CRB1: variants seen among roughly 807,000 people sequenced by gnomAD.
CRB1 encodes the protein protein crumbs homolog 1.
CRB1 carries 83 observed loss-of-function variants against 120.0 expected under a neutral mutation model. The observed-to-expected ratio is 0.69, with a 90% CI of 0.58 to 0.83. CRB1 has a LOEUF of 0.83. Among genes scored for constraint, CRB1 ranks in the 40% least tolerant of loss-of-function variants. The probability of loss-of-function intolerance (pLI) is 0.00; values close to 1 mark genes in which losing one functional copy is unlikely to be tolerated. For synonymous variants in CRB1, 625 were observed against 612.5 expected, an observed-to-expected ratio of 1.02 and a Z score of -0.30; for missense variants, 1,699 against 1,687.6, an observed-to-expected ratio of 1.01 and a Z score of -0.12.
At chr1:197,347,306 A>G in intron 3 of CRB1, 34 bp from the exon 4 acceptor site, 2 of 1,597,316 alleles carry the variant, frequency 1.3e-6, no homozygotes, top group Non-Finnish European at 1.7e-6. Context: ...CAATATGACT[A>G]AGAGTTGACA....
chr1:197,368,441 T>G (rs545645249), intron 5 of CRB1, among the ~76,000 whole-genome samples: 2 of 152,356 alleles, frequency 1.3e-5, no homozygotes, highest in South Asian at 4.1e-4. Flanking sequence ...TATTTACGCT[T>G]GTACTCCTTT....
chr1:197,438,767 C>T (rs556364840), intron 10 of CRB1, 92 bp downstream of exon 10: 27 of 1,491,350 alleles, frequency 1.8e-5, no homozygotes, highest in Non-Finnish European at 2.3e-5. Context: ...TTTTTTATCT[C>T]AGTTCCCATA....
chr1:197,430,749 A>G (rs1464071177), intron 8 of CRB1, among the ~76,000 whole-genome samples: 1 of 152,126 alleles, frequency 6.6e-6, no homozygotes, highest in Non-Finnish European at 1.5e-5. Context: ...CATCTCTTTC[A>G]TCATGAGAAT....
intron 9 of CRB1, 123 bp downstream of exon 9, chr1:197,435,735 G>T (rs1189323989): frequency 1.2e-6 from 1 of 840,548 alleles, no homozygotes; most frequent in Admixed American, 2.1e-5. Context: ...GGGTGACACT[G>T]GTAGCTTCTG....
At chr1:197,265,567 A>G (rs1447693622), upstream of CRB1, among the ~76,000 whole-genome samples, 1 of 152,174 alleles carries the variant, frequency 6.6e-6, no homozygotes, top group Non-Finnish European at 1.5e-5. Context: ...TCAAATATAG[A>G]CATATATTTA....
chr1:197,444,551 C>T (rs919199960), intron 11 of CRB1: 2 of 152,170 alleles, frequency 1.3e-5, no homozygotes, highest in Admixed American at 1.3e-4. Context: ...TACTTATGTA[C>T]TTACAGGCTG....
chr1:197,362,648 G>T, intron 5 of CRB1, among the ~76,000 whole-genome samples: 1 of 151,392 alleles, frequency 6.6e-6, no homozygotes, highest in African/African-American at 2.4e-5. Context: ...TTCTTTTCTT[G>T]CTTTGAAATC....
At chr1:197,441,012 C>A (rs1304535079) in intron 10 of CRB1, 1 of 152,202 alleles carries the variant, frequency 6.6e-6, no homozygotes, top group Non-Finnish European at 1.5e-5. Context: ...TGGAAGAAAT[C>A]TTTGTTTTCC....
intron 11 of CRB1, among the ~76,000 whole-genome samples, chr1:197,477,114 C>A (rs1344715872): frequency 2.0e-5 from 3 of 152,194 alleles, no homozygotes; most frequent in Non-Finnish European, 4.4e-5. Flanking sequence ...CATGTTGAAT[C>A]CGAATCAGAG....
intron 5 of CRB1, 116 bp from the exon 6 acceptor site, chr1:197,420,884 C>G (rs1388971309): frequency 1.3e-6 from 1 of 757,078 alleles, no homozygotes; most frequent in South Asian, 1.4e-5. Context: ...TACTCCATTA[C>G]AGTCCTAAAC....
chr1:197,377,676 C>G (rs1224260158), intron 5 of CRB1, among the ~76,000 whole-genome samples: 1 of 152,144 alleles, frequency 6.6e-6, no homozygotes, highest in Non-Finnish European at 1.5e-5. Context: ...TATCTAACAC[C>G]TTATCTTTAA....
chr1:197,327,193 T>A (rs1283445934), intron 1 of CRB1, among the ~76,000 whole-genome samples: 1 of 149,672 alleles, frequency 6.7e-6, no homozygotes, highest in Non-Finnish European at 1.5e-5. Context: ...CCCTTCCCAC[T>A]GTATTATCCT....
intron 2 of CRB1, among the ~76,000 whole-genome samples, chr1:197,333,350 T>A (rs986254899): frequency 6.6e-6 from 1 of 152,156 alleles, no homozygotes; most frequent in Non-Finnish European, 1.5e-5. Context: ...TGAAAGTAAG[T>A]GGATGCAAAC....
At chr1:197,469,740 A>G (rs1006324599) in intron 11 of CRB1, among the ~76,000 whole-genome samples, 15 of 152,254 alleles carry the variant, frequency 9.9e-5, no homozygotes, top group African/African-American at 3.6e-4. Flanking sequence ...AATAATTCAC[A>G]TGTAGCAAAT....
At chr1:197,240,263 G>A in the CRB1 span, among the ~76,000 whole-genome samples, 1 of 152,004 alleles carries the variant, frequency 6.6e-6, no homozygotes, top group Admixed American at 6.6e-5. Context: ...TACATGTGCA[G>A]AACGTGCAGG....
the CRB1 span, among the ~76,000 whole-genome samples, chr1:197,246,541 T>A: frequency 1.3e-5 from 2 of 151,978 alleles, no homozygotes; most frequent in African/African-American, 4.8e-5. Flanking sequence ...AGTCTCCTTA[T>A]ATTTATTGCA....
chr1:197,276,378 AT>A (rs950640565), intron 1 of CRB1, among the ~76,000 whole-genome samples: 1 of 151,568 alleles, frequency 6.6e-6, no homozygotes, highest in Non-Finnish European at 1.5e-5. Flanking sequence ...TTATTCCATA[AT>A]TTTTTTATTT....
the CRB1 span, among the ~76,000 whole-genome samples, chr1:197,262,535 A>T: frequency 1.2e-3 from 187 of 152,080 alleles, no homozygotes; most frequent in Non-Finnish European, 2.2e-3. Flanking sequence ...TTTCTTTTTT[A>T]AAAAATTTAA....
At chr1:197,388,440 A>G (rs1316814615) in intron 5 of CRB1, among the ~76,000 whole-genome samples, 1 of 152,050 alleles carries the variant, frequency 6.6e-6, no homozygotes, top group East Asian at 1.9e-4. Flanking sequence ...AATGTCAAAA[A>G]TCTCATGTTT....
Sources: gnomAD v4.1 joint callset for allele counts (sites outside exome capture counted in the v4.1 genomes callset) on GRCh38, gnomAD v4.1.1 for gene constraint, MANE v1.5 for transcripts, NCBI Gene and HGNC (gene_info 2026-07-23, HGNC 2026-07-21) for gene names.